Variants in SNX25 observed in about 807,000 individuals in gnomAD.
The protein encoded by SNX25 is sorting nexin-25.
SNX25 carries 62 observed loss-of-function variants against 113.7 expected under a neutral mutation model. The observed-to-expected ratio is 0.55, with a 90% CI of 0.44 to 0.67. The LOEUF is 0.67. SNX25 is among the 30% of genes least tolerant of loss of function. The probability of loss-of-function intolerance (pLI) is 0.00; values close to 1 mark genes in which losing one functional copy is unlikely to be tolerated. For missense variants in SNX25, 1,014 were observed against 1,161.0 expected (o/e 0.87, Z 1.84); for synonymous variants, 421 against 436.2 (o/e 0.97, Z 0.43).
chr4:185,368,137 C>T (rs1222507322), downstream of SNX25, among the ~76,000 whole-genome samples: 1 of 152,166 alleles, frequency 6.6e-6, no homozygotes, highest in Non-Finnish European at 1.5e-5. Flanking sequence ...GAGATTGCGC[C>T]ACTGCACTCC....
At chr4:185,286,027 C>G (rs954349315) in intron 5 of SNX25, among the ~76,000 whole-genome samples, 1 of 152,044 alleles carries the variant, frequency 6.6e-6, no homozygotes, top group Non-Finnish European at 1.5e-5. Flanking sequence ...ATCCTCCCAC[C>G]TCAGCCTCCC....
chr4:185,240,742 A>G (rs1487699782), intron 1 of SNX25, among the ~76,000 whole-genome samples: 16 of 147,294 alleles, frequency 1.1e-4, no homozygotes, highest in Non-Finnish European at 2.4e-4. Flanking sequence ...CCGGGCGGAG[A>G]CGCTCCTCAC....
intron 2 of SNX25, among the ~76,000 whole-genome samples, chr4:185,258,276 G>A (rs1042197752): frequency 1.3e-5 from 2 of 152,206 alleles, no homozygotes; most frequent in Non-Finnish European, 2.9e-5. Context: ...ATTGGAACTT[G>A]CTGTTGGGGT....
chr4:185,352,470 C>T (rs899095164), intron 14 of SNX25, among the ~76,000 whole-genome samples: 6 of 152,200 alleles, frequency 3.9e-5, no homozygotes, highest in East Asian at 3.9e-4. Flanking sequence ...CATCTACCCA[C>T]GGCCCCCCAA....
chr4:185,359,803 T>C (rs2095353870), intron 16 of SNX25, among the ~76,000 whole-genome samples: 1 of 152,236 alleles, frequency 6.6e-6, no homozygotes, highest in Non-Finnish European at 1.5e-5. Flanking sequence ...TGGCTGTTAA[T>C]TATAAAATGA....
intron 7 of SNX25, among the ~76,000 whole-genome samples, chr4:185,319,770 TAAATATTCA>T (rs1463576581): frequency 1.3e-5 from 2 of 152,218 alleles, no homozygotes; most frequent in Non-Finnish European, 2.9e-5. Context: ...ATGTGCATTT[TAAATATTCA>T]GTAAGCTTTA....
chr4:185,265,461 A>T (rs1377304321), intron 4 of SNX25, among the ~76,000 whole-genome samples: 1 of 152,236 alleles, frequency 6.6e-6, no homozygotes, highest in African/African-American at 2.4e-5. Flanking sequence ...GGTATAAAAG[A>T]TAAACAACAG....
intron 1 of SNX25, among the ~76,000 whole-genome samples, chr4:185,244,889 C>T (rs757487978): frequency 6.6e-6 from 1 of 151,934 alleles, no homozygotes; most frequent in Non-Finnish European, 1.5e-5. Flanking sequence ...ACAGTAAGCA[C>T]GAACAGGGAT....
chr4:185,223,584 T>A (rs542825671), intron 1 of SNX25, among the ~76,000 whole-genome samples: 6 of 152,240 alleles, frequency 3.9e-5, no homozygotes, highest in South Asian at 4.1e-4. Context: ...GGTAGGACCA[T>A]CCTGCCTAAC....
intron 10 of SNX25, among the ~76,000 whole-genome samples, chr4:185,333,157 T>TA (rs2095207324): frequency 1.3e-5 from 2 of 152,252 alleles, no homozygotes; most frequent in Admixed American, 6.5e-5. Flanking sequence ...GTTCAGGAAA[T>TA]ACATTGTTTT....
chr4:185,329,350 T>C (rs199566745), intron 9 of SNX25, among the ~76,000 whole-genome samples: 2 of 151,976 alleles, frequency 1.3e-5, no homozygotes, highest in East Asian at 3.9e-4. Flanking sequence ...GAATGTGGGA[T>C]TGTTTGGCAT....
intron 6 of SNX25, among the ~76,000 whole-genome samples, chr4:185,293,077 G>A (rs576429958): frequency 2.2e-4 from 33 of 152,290 alleles, no homozygotes; most frequent in African/African-American, 7.7e-4. Flanking sequence ...AATCAAAAGA[G>A]CAATAACCCA....
intron 1 of SNX25, among the ~76,000 whole-genome samples, chr4:185,242,000 G>A (rs189918872): frequency 1.1e-3 from 163 of 152,246 alleles, no homozygotes; most frequent in Middle Eastern, 0.01. Flanking sequence ...ATTTTCATTA[G>A]CTTCTTTCTC....
At chr4:185,346,293 C>A (rs1358082493) in intron 12 of SNX25, among the ~76,000 whole-genome samples, 1 of 152,220 alleles carries the variant, frequency 6.6e-6, no homozygotes, top group Non-Finnish European at 1.5e-5. Context: ...ATCCCTCGTA[C>A]CAGCCTGGCC....
At position 185,227,946 on chromosome 4, in the gene SNX25, A is replaced by G. The variant is rs377394832; in HGVS notation, c.429+17691A>G. Among the ~76,000 whole-genome samples, 232 of 152,194 alleles carry G rather than the reference A, an allele frequency of 1.5e-3. 9 individuals carry two copies. The South Asian group carries it at 0.047, about 31-fold the overall frequency. ...GAGGAGCAGCCCACCAAGGAGAGAA[A>G]GAGCATTTAGAGGCCGTGAGATGAA... On this transcript the variant is annotated intron_variant, in intron 1 of 18. Transcript: ENST00000652585.
chr4:185,346,681 GAA>G (rs2095288484), intron 13 of SNX25, 31 bp downstream of exon 13: 2 of 1,387,636 alleles, frequency 1.4e-6, no homozygotes, highest in Non-Finnish European at 2.0e-6. Flanking sequence ...GGATATGAGA[GAA>G]AAAATTAGTT....
intron 1 of SNX25, among the ~76,000 whole-genome samples, chr4:185,237,940 G>A: frequency 6.6e-6 from 1 of 151,248 alleles, no homozygotes; most frequent in East Asian, 1.9e-4. Flanking sequence ...GCACGTACCT[G>A]TAGTCCCAGC....
chr4:185,249,043 A>G (rs1476813079), intron 2 of SNX25, among the ~76,000 whole-genome samples: 1 of 152,204 alleles, frequency 6.6e-6, no homozygotes, highest in African/African-American at 2.4e-5. Flanking sequence ...CTATGACAAT[A>G]TGTTTACCCT....
At chr4:185,356,259 T>G (rs1163884879) in intron 15 of SNX25, among the ~76,000 whole-genome samples, 1 of 152,176 alleles carries the variant, frequency 6.6e-6, no homozygotes, top group African/African-American at 2.4e-5. Context: ...AGTTTTGGTT[T>G]CTGCTCTAGT....
Sources: allele counts gnomAD v4.1 joint callset (sites outside exome capture counted in the v4.1 genomes callset), GRCh38; gene constraint gnomAD v4.1.1; transcripts MANE v1.5; gene names NCBI Gene and HGNC (gene_info 2026-07-23, HGNC 2026-07-21).